ST3GAL1: variants seen among roughly 807,000 people sequenced by gnomAD.
ST3GAL1 encodes ST3 beta-galactoside alpha-2,3-sialyltransferase 1, also known as CMP-N-acetylneuraminate-beta-galactosamide-alpha-2,3-sialyltransferase 1.
Under a neutral mutation model 34.1 loss-of-function variants are expected in ST3GAL1, and 16 were observed. That is an observed-to-expected ratio of 0.47 (90% CI 0.32 to 0.71). The LOEUF (loss-of-function observed/expected upper bound fraction) is 0.71. ST3GAL1 is among the 30% of genes least tolerant of loss of function. The pLI is 0.04. For synonymous variants in ST3GAL1, 191 were observed against 184.7 expected, an observed-to-expected ratio of 1.03 and a Z score of -0.28; for missense variants, 353 against 447.4, an observed-to-expected ratio of 0.79 and a Z score of 1.90.
chr8:133,535,155 G>C (rs538115964), intron 2 of ST3GAL1, among the ~76,000 whole-genome samples: 73 of 152,350 alleles, frequency 4.8e-4, no homozygotes, highest in African/African-American at 1.8e-3. Context: ...ATTCCAGGTA[G>C]AGAAGAGCAC....
chr8:133,473,265 T>C (rs1457487332), intron 5 of ST3GAL1, among the ~76,000 whole-genome samples: 3 of 152,184 alleles, frequency 2.0e-5, no homozygotes, highest in Admixed American at 1.3e-4. Context: ...TACTCTCTAA[T>C]AACAGTTTTT....
At chr8:133,507,959 G>C (rs1351994713) in intron 2 of ST3GAL1, among the ~76,000 whole-genome samples, 1 of 151,902 alleles carries the variant, frequency 6.6e-6, no homozygotes, top group Non-Finnish European at 1.5e-5. Flanking sequence ...CCTTGATCCA[G>C]AGAACTGCCT....
At position 133,556,711 on chromosome 8, in the gene ST3GAL1, C is replaced by T. The variant is rs1421919515; in HGVS notation, c.-581-10785G>A. ...AACTATTAGCCATGGAAACCTTGCA[C>T]CCAAGGACACGGCTGACATCATATA... is the stretch of plus-strand genomic sequence containing the variant. On this transcript the variant is annotated intron_variant, in intron 1 of 9. Transcript: ENST00000522652. This position sits in a 1 kb window ranked among gnomAD's most constrained non-coding sequence, Gnocchi z 8.9. Among the ~76,000 whole-genome samples the T allele has an allele frequency of 6.6e-6, 1 of 152,136 alleles. No homozygotes were observed. The highest frequency in any genetic ancestry group is 1.5e-5 in the Non-Finnish European group (1 of 68,020).
rs72720294 is a variant in ST3GAL1 at position 133,565,734 on chromosome 8, A to G, written c.-582+5959T>C. Among the ~76,000 whole-genome samples, 1,188 of 152,360 alleles carry G rather than the reference A, an allele frequency of 7.8e-3. 10 individuals are homozygous for G. Among genetic ancestry groups the G allele is most frequent in the Non-Finnish European group, 0.012 (784 of 68,030 alleles). On this transcript the variant is annotated intron_variant, in intron 1 of 9. Coordinates refer to ENST00000522652, the MANE Select transcript of ST3GAL1 (RefSeq NM_173344.3). ...GGGGTCCTCCTAACTCTCCTGTAAC[A>G]GAGGGAGTGGGAATTTATACTACCA...
chr8:133,484,430 A>G (rs1816503476), intron 3 of ST3GAL1, among the ~76,000 whole-genome samples: 1 of 152,240 alleles, frequency 6.6e-6, no homozygotes, highest in African/African-American at 2.4e-5. Flanking sequence ...GAGTTAAAAC[A>G]ACTAGGAGAT....
At chr8:133,567,778 C>A (rs76684156) in intron 1 of ST3GAL1, among the ~76,000 whole-genome samples, 5,298 of 152,264 alleles carry the variant, frequency 0.035, 132 homozygotes, top group South Asian at 0.054. Flanking sequence ...TCCAGCTGCC[C>A]CAAGCCAGGG....
rs187189977 is a variant in ST3GAL1 at position 133,546,220 on chromosome 8, C to T, written c.-581-294G>A. 2.3e-3 allele frequency among the ~76,000 whole-genome samples: 349 copies of T among 152,284 alleles called. 1 individual carries two copies. Among genetic ancestry groups the T allele is most frequent in the Middle Eastern group, 6.8e-3 (2 of 294 alleles). The stretch of plus-strand genomic sequence containing the variant: ...GACAATGTAATACAGGCGGCTTGGG[C>T]GCCTGTAATCCCAGCACTTTGGGAG... On this transcript the variant is annotated intron_variant, in intron 1 of 9. Coordinates refer to ENST00000522652, the MANE Select transcript of ST3GAL1 (RefSeq NM_173344.3).
At chr8:133,562,842 C>CTT (rs1166582655) in intron 1 of ST3GAL1, among the ~76,000 whole-genome samples, 5 of 66,394 alleles carry the variant, frequency 7.5e-5, no homozygotes, top group African/African-American at 4.2e-4. Flanking sequence ...TCCTTCCTTC[C>CTT]TTTCTTTCTT....
chr8:133,490,877 G>A (rs760329), intron 3 of ST3GAL1, among the ~76,000 whole-genome samples: 138,721 of 152,206 alleles, frequency 0.91, 63,580 homozygotes, highest in East Asian at 1. Context: ...AGAGTGGCCC[G>A]GTCTCCATGA....
chr8:133,516,417 C>T (rs1210448603), intron 2 of ST3GAL1: 1 of 152,198 alleles, frequency 6.6e-6, no homozygotes, highest in Non-Finnish European at 1.5e-5. Flanking sequence ...AAATTACTCA[C>T]CCTCATGCAT....
At position 133,465,995 on chromosome 8, in the gene ST3GAL1, C is replaced by T; in HGVS notation, c.402G>A (p.Lys134=). 6.2e-7 allele frequency: 1 copy of T among 1,614,254 alleles called. No homozygotes were observed. Among genetic ancestry groups the T allele is most frequent in the Non-Finnish European group, 8.5e-7 (1 of 1,180,032 alleles). Reference sequence around the variant, plus strand: ...CGCAGCGCCGGCAGCCCACCGACCTCTTCTCCAGCATAGGGTCCACATTCC... The same window carrying T: ...CGCAGCGCCGGCAGCCCACCGACCTTTTCTCCAGCATAGGGTCCACATTCC... ...VPGNVDPMLE[K]RSVGCRRCAV... The change falls in exon 6 of 10, where the codon AAG becomes AAA. Residue 134 remains lysine, a synonymous_variant. Coordinates refer to ENST00000522652, the MANE Select transcript of ST3GAL1 (RefSeq NM_173344.3).
chr8:133,465,084 T>G (rs1815684673), intron 6 of ST3GAL1, 127 bp from the exon 7 acceptor site: 1 of 879,118 alleles, frequency 1.1e-6, no homozygotes, highest in African/African-American at 1.7e-5. Context: ...CCGGGCCTCC[T>G]TCTCCTCATC....
rs16904941 is a variant in ST3GAL1 at position 133,547,939 on chromosome 8, A to G, written c.-581-2013T>C. Among the ~76,000 whole-genome samples, 3,354 of 152,234 alleles carry G rather than the reference A, an allele frequency of 0.022. 207 individuals carry two copies. In the East Asian group the frequency reaches 0.24, roughly 11 times the overall value. On this transcript the variant is annotated intron_variant, in intron 1 of 9. Coordinates refer to ENST00000522652, the MANE Select transcript of ST3GAL1 (RefSeq NM_173344.3). The stretch of plus-strand genomic sequence containing the variant: ...GATTCAAGAGCTCTTTTAGAGGGAG[A>G]GACAACAGCATTTAGTGACTGTCTA...
intron 3 of ST3GAL1, among the ~76,000 whole-genome samples, chr8:133,491,878 A>C (rs1418905431): frequency 6.6e-6 from 1 of 152,112 alleles, no homozygotes; most frequent in Non-Finnish European, 1.5e-5. Flanking sequence ...CCCCACCCCC[A>C]TACCTGGGCC....
At chr8:133,470,770 G>A (rs1337906871) in intron 5 of ST3GAL1, among the ~76,000 whole-genome samples, 1 of 152,172 alleles carries the variant, frequency 6.6e-6, no homozygotes, top group Non-Finnish European at 1.5e-5. Flanking sequence ...GAGGAGTCGG[G>A]CAAGTGGGAT....
intron 1 of ST3GAL1, among the ~76,000 whole-genome samples, chr8:133,549,917 G>A (rs1459592605): frequency 1.3e-5 from 2 of 152,152 alleles, no homozygotes; most frequent in Admixed American, 6.5e-5. Context: ...AGCCAAGATC[G>A]TACCATTGCG....
chr8:133,486,818 C>A (rs1816622224), intron 3 of ST3GAL1, among the ~76,000 whole-genome samples: 1 of 152,322 alleles, frequency 6.6e-6, no homozygotes, highest in Admixed American at 6.5e-5. Flanking sequence ...GTGACTTGGG[C>A]CACTTCAGAA....
intron 2 of ST3GAL1, among the ~76,000 whole-genome samples, chr8:133,524,864 C>T (rs537971571): frequency 3.3e-5 from 5 of 152,352 alleles, no homozygotes; most frequent in Non-Finnish European, 5.9e-5. Flanking sequence ...CGGTGGCACC[C>T]GGAAGCTTGG....
At chr8:133,506,828 G>A (rs973982175) in intron 2 of ST3GAL1, among the ~76,000 whole-genome samples, 25 of 151,792 alleles carry the variant, frequency 1.6e-4, no homozygotes, top group African/African-American at 5.8e-4. Context: ...GGTGGCTCAC[G>A]CCTACAATCC....
Sources: gnomAD v4.1 joint callset for allele counts (sites outside exome capture counted in the v4.1 genomes callset) on GRCh38, gnomAD v4.1.1 for gene constraint, Gnocchi (gnomAD v3.1) non-coding constraint, MANE v1.5 for transcripts, NCBI Gene and HGNC (gene_info 2026-07-23, HGNC 2026-07-21) for gene names.